NEDD4L: variants seen among roughly 807,000 people sequenced by gnomAD.
NEDD4L encodes E3 ubiquitin-protein ligase NEDD4-like.
NEDD4L carries 54 observed loss-of-function variants against 148.9 expected under a neutral mutation model. The observed-to-expected ratio is 0.36, with a 90% CI of 0.29 to 0.45. The LOEUF (loss-of-function observed/expected upper bound fraction) is 0.45, where lower values mean the gene tolerates loss of function less well. Ranked by LOEUF, NEDD4L falls within the 20% of genes least tolerant of loss-of-function variation. The pLI is 1.00. For synonymous variants in NEDD4L, 433 were observed against 440.7 expected (o/e 0.98, Z 0.22); for missense variants, 856 against 1,233.8 (o/e 0.69, Z 4.59).
chr18:58,096,113 A>G (rs545561676), intron 1 of NEDD4L, among the ~76,000 whole-genome samples: 12 of 152,238 alleles, frequency 7.9e-5, no homozygotes, highest in African/African-American at 2.9e-4. Context: ...TAGGATGAGC[A>G]TGGTTTTCCT....
chr18:58,219,458 C>A (rs1281578494), intron 2 of NEDD4L, among the ~76,000 whole-genome samples: 2 of 152,112 alleles, frequency 1.3e-5, no homozygotes, highest in Admixed American at 6.5e-5. Flanking sequence ...TGATTGTTTG[C>A]CAGGGCGGTC....
At chr18:58,101,349 T>C (rs1156249771) in intron 1 of NEDD4L, among the ~76,000 whole-genome samples, 1 of 152,218 alleles carries the variant, frequency 6.6e-6, no homozygotes, top group Non-Finnish European at 1.5e-5. Context: ...CTGAGGGCGA[T>C]GTCCTCCTCA....
chr18:58,120,419 C>T (rs1383903414), intron 1 of NEDD4L, among the ~76,000 whole-genome samples: 2 of 152,194 alleles, frequency 1.3e-5, no homozygotes, highest in Non-Finnish European at 2.9e-5. Flanking sequence ...AATGAGGTAA[C>T]AAAACATAAA....
intron 13 of NEDD4L, among the ~76,000 whole-genome samples, chr18:58,339,190 G>A (rs990935447): frequency 6.6e-6 from 1 of 152,180 alleles, no homozygotes. Context: ...AACGGCTGAA[G>A]GGGAGGGCTC....
At chr18:58,066,989 CT>C (rs1468420808) in intron 1 of NEDD4L, among the ~76,000 whole-genome samples, 2 of 152,082 alleles carry the variant, frequency 1.3e-5, no homozygotes, top group Non-Finnish European at 2.9e-5. Context: ...CCATATAACC[CT>C]CATACACATG....
At chr18:58,112,331 G>C (rs974304928) in intron 1 of NEDD4L, among the ~76,000 whole-genome samples, 1 of 151,664 alleles carries the variant, frequency 6.6e-6, no homozygotes, top group East Asian at 1.9e-4. Flanking sequence ...TCTCTTAATT[G>C]AGGAACTTAG....
At chr18:58,389,396 T>C in intron 28 of NEDD4L, 1 of 477,996 alleles carries the variant, frequency 2.1e-6, no homozygotes, top group Non-Finnish European at 3.8e-6. Context: ...CAGCTAGACT[T>C]GAATGAAGTT....
chr18:58,315,503 AGT>A lies in NEDD4L; in HGVS notation c.298-474_298-473del, dbSNP rs559403365. 1.8e-4 allele frequency among the ~76,000 whole-genome samples: 28 copies of A among 152,178 alleles called. No homozygotes were observed. In the East Asian group the frequency reaches 4.4e-3, roughly 24 times the overall value. On this transcript the variant is annotated intron_variant, in intron 5 of 30. Coordinates refer to ENST00000400345, the MANE Select transcript of NEDD4L (RefSeq NM_001144967.3). ...AACAATGTACTTACTGGATTTAAAA[AGT>A]GTGTATTTTTTTGTGAGATGCAGTT...
intron 1 of NEDD4L, among the ~76,000 whole-genome samples, chr18:58,059,583 C>T (rs532519845): frequency 6.6e-6 from 1 of 152,290 alleles, no homozygotes; most frequent in Admixed American, 6.5e-5. Flanking sequence ...TCACTCCTCC[C>T]CTGGAGTGAC....
intron 5 of NEDD4L, among the ~76,000 whole-genome samples, chr18:58,266,690 A>G (rs1254390654): frequency 6.6e-6 from 1 of 152,154 alleles, no homozygotes; most frequent in Non-Finnish European, 1.5e-5. Flanking sequence ...CAATATATCA[A>G]ATTGGAGAAC....
chr18:58,122,964 C>T (rs985933474), intron 1 of NEDD4L, among the ~76,000 whole-genome samples: 1 of 152,138 alleles, frequency 6.6e-6, no homozygotes, highest in Non-Finnish European at 1.5e-5. Context: ...AACTCCTGAC[C>T]TCAAGTGATC....
intron 30 of NEDD4L, among the ~76,000 whole-genome samples, chr18:58,394,223 T>C (rs2050190841): frequency 6.6e-6 from 1 of 152,236 alleles, no homozygotes; most frequent in African/African-American, 2.4e-5. Context: ...GATTGACTCA[T>C]ACCATCATCA....
intron 5 of NEDD4L, among the ~76,000 whole-genome samples, chr18:58,260,835 G>T (rs2049272635): frequency 6.6e-6 from 1 of 152,148 alleles, no homozygotes; most frequent in South Asian, 2.1e-4. Flanking sequence ...CTTCTTTGGG[G>T]ATCCAAAGAG....
intron 5 of NEDD4L, among the ~76,000 whole-genome samples, chr18:58,309,645 G>A (rs2057450372): frequency 1.3e-5 from 2 of 151,352 alleles, no homozygotes; most frequent in African/African-American, 4.9e-5. Flanking sequence ...CCCAGTGTTC[G>A]CACCCCCAGT....
chr18:58,152,310 A>C (rs1008367274), intron 1 of NEDD4L, among the ~76,000 whole-genome samples: 1 of 152,212 alleles, frequency 6.6e-6, no homozygotes. Context: ...GCACAGTTCC[A>C]GGTGCTCTTC....
intron 1 of NEDD4L, among the ~76,000 whole-genome samples, chr18:58,096,477 C>T (rs999476478): frequency 2.0e-5 from 3 of 151,696 alleles, no homozygotes; most frequent in African/African-American, 4.8e-5. Context: ...AGTCTTGGCT[C>T]GCTGCAACCT....
At chr18:58,389,372 G>A (rs2049484836) in intron 28 of NEDD4L, 180 bp downstream of exon 28, 2 of 538,240 alleles carry the variant, frequency 3.7e-6, no homozygotes, top group Admixed American at 3.1e-5. Flanking sequence ...TGGCTCCTCT[G>A]TAACTGTAGC....
At position 58,297,985 on chromosome 18, in the gene NEDD4L, G is replaced by A. The variant is rs575697268; in HGVS notation, c.298-17997G>A. Among the ~76,000 whole-genome samples, 7 of 152,106 alleles carry A rather than the reference G, an allele frequency of 4.6e-5. No individual in the cohort carries two copies. The South Asian group carries it at 1.5e-3, about 32-fold the overall frequency. The stretch of plus-strand genomic sequence containing the variant: ...GATCCCTTTTTTCTATTCTTCAGTG[G>A]CTTTTTCTCCAGTAAAATAGCAGTT... On this transcript the variant is annotated intron_variant, in intron 5 of 30. Coordinates refer to ENST00000400345, the MANE Select transcript of NEDD4L (RefSeq NM_001144967.3).
chr18:58,165,070 G>A lies in NEDD4L; in HGVS notation c.49-718G>A, dbSNP rs188154806. Among the ~76,000 whole-genome samples, 14 of 152,288 alleles carry A rather than the reference G, an allele frequency of 9.2e-5. No individual in the cohort carries two copies. The East Asian group carries it at 2.5e-3, about 27-fold the overall frequency. On this transcript the variant is annotated intron_variant, in intron 1 of 30. Coordinates refer to ENST00000400345, the MANE Select transcript of NEDD4L (RefSeq NM_001144967.3). ...TCGTAGCCCTTATCTAGTTCTCTAA[G>A]CTGTCATAGGGTCCTGTACTGCTGG...
Sources: allele counts gnomAD v4.1 joint callset (sites outside exome capture counted in the v4.1 genomes callset), GRCh38; gene constraint gnomAD v4.1.1; transcripts MANE v1.5; gene names NCBI Gene and HGNC (gene_info 2026-07-23, HGNC 2026-07-21).